Variants in AASS observed in about 807,000 individuals in gnomAD.
AASS encodes the protein alpha-aminoadipic semialdehyde synthase, mitochondrial.
Under a neutral mutation model 105.4 loss-of-function variants are expected in AASS, and 86 were observed. The observed-to-expected ratio is 0.82, with a 90% CI of 0.69 to 0.98. The LOEUF (loss-of-function observed/expected upper bound fraction) is 0.98. Ranked by LOEUF, AASS falls within the 50% of genes least tolerant of loss-of-function variation. AASS has a pLI of 0.00. For synonymous variants in AASS, 381 were observed against 394.8 expected (o/e 0.96, Z 0.41); for missense variants, 1,048 against 1,143.2 (o/e 0.92, Z 1.20).
In AASS at chr7:122,118,333, A is replaced by G; in HGVS notation, c.661T>C (p.Phe221Leu). 1 of 1,614,192 alleles carries G rather than the reference A, an allele frequency of 6.2e-7. No individual in the cohort carries two copies. The highest frequency in any genetic ancestry group is 8.5e-7 in the Non-Finnish European group (1 of 1,180,032). ...PKSIGPLTFV[F>L]TGTGNVSKGA... ...TTAGAAACATTACCAGTTCCTGTGA[A>G]CACAAATGTTAAGGGTCCTATTGAC... Residue 221 changes from phenylalanine (F) to leucine (L), a missense_variant, in exon 6 of 24, where the codon TTC (phenylalanine) becomes CTC (leucine). By Grantham distance (22) the Phe-to-Leu change is conservative (BLOSUM62 0). Coordinates refer to ENST00000417368, the MANE Select transcript of AASS (RefSeq NM_005763.4).
chr7:122,112,810 A>T (rs917481687), intron 11 of AASS, among the ~76,000 whole-genome samples: 9 of 152,216 alleles, frequency 5.9e-5, no homozygotes, highest in African/African-American at 2.2e-4. Flanking sequence ...GAACTGACAT[A>T]GATGGCAAAA....
At chr7:122,133,490 T>C (rs759510134) in intron 2 of AASS, 27 bp downstream of exon 2, 22 of 1,610,734 alleles carry the variant, frequency 1.4e-5, no homozygotes, top group Non-Finnish European at 1.8e-5. Context: ...CATTTTATTC[T>C]CACATAAAAA....
intron 1 of AASS, among the ~76,000 whole-genome samples, chr7:122,143,253 A>G (rs901623059): frequency 3.3e-5 from 5 of 152,100 alleles, no homozygotes; most frequent in African/African-American, 4.8e-5. Flanking sequence ...CCCACTGATA[A>G]CCCACAACAT....
chr7:122,131,013 C>G (rs746578881), intron 2 of AASS, among the ~76,000 whole-genome samples: 2 of 148,124 alleles, frequency 1.4e-5, no homozygotes, highest in African/African-American at 4.9e-5. Flanking sequence ...TGTAAATACA[C>G]ACACAGGTGT....
chr7:122,138,211 C>G (rs976780331), intron 1 of AASS, among the ~76,000 whole-genome samples: 1 of 152,166 alleles, frequency 6.6e-6, no homozygotes, highest in South Asian at 2.1e-4. Flanking sequence ...TGAAATGTCT[C>G]TAAAAGTCAT....
At chr7:122,079,740 C>T in intron 20 of AASS, 28 bp from the exon 21 acceptor site, 1 of 1,542,236 alleles carries the variant, frequency 6.5e-7, no homozygotes, top group Non-Finnish European at 9.0e-7. Flanking sequence ...TACAATATTT[C>T]TAAGTCCCTA....
chr7:122,105,861 A>C (rs555017542), intron 11 of AASS, among the ~76,000 whole-genome samples: 1 of 152,090 alleles, frequency 6.6e-6, no homozygotes, highest in Non-Finnish European at 1.5e-5. Flanking sequence ...TAGTAGACAC[A>C]AAGAAATAAT....
chr7:122,130,480 A>T (rs1484700219), intron 2 of AASS, among the ~76,000 whole-genome samples: 3 of 152,008 alleles, frequency 2.0e-5, no homozygotes, highest in African/African-American at 7.2e-5. Context: ...TACTTTGCTA[A>T]GCTCTTTGCA....
chr7:122,143,696 C>T (rs1796505217), intron 1 of AASS, among the ~76,000 whole-genome samples: 1 of 151,842 alleles, frequency 6.6e-6, no homozygotes, highest in African/African-American at 2.4e-5. Context: ...AAAGAACCAC[C>T]CCGAAATCTC....
Position 122,116,682 on chromosome 7 carries a change from G to T in AASS, c.845C>A (p.Ala282Glu). ...GCGCTCCGGATGTTTGTCATACTCT[G>T]CAGGATCATACACAGCATCTGTTTT... is the stretch of plus-strand genomic sequence containing the variant. ...VRKTDAVYDP[A>E]EYDKHPERYI... Residue 282 changes from alanine (A) to glutamate (E), a missense_variant, in exon 8 of 24, where the codon GCA becomes GAA. By Grantham distance (107) the Ala-to-Glu change is moderately radical. Coordinates refer to ENST00000417368, the MANE Select transcript of AASS (RefSeq NM_005763.4). The T allele has an allele frequency of 6.2e-7, 1 of 1,614,068 alleles. No homozygotes were observed. Among genetic ancestry groups the T allele is most frequent in the Non-Finnish European group, 8.5e-7 (1 of 1,179,978 alleles).
chr7:122,090,906 C>T (rs1298557519), intron 18 of AASS, among the ~76,000 whole-genome samples: 1 of 152,136 alleles, frequency 6.6e-6, no homozygotes, highest in Non-Finnish European at 1.5e-5. Flanking sequence ...AGCACATCCT[C>T]TTCTCCACTA....
chr7:122,107,372 C>G (rs1367046074), intron 11 of AASS, among the ~76,000 whole-genome samples: 1 of 152,096 alleles, frequency 6.6e-6, no homozygotes, highest in Non-Finnish European at 1.5e-5. Flanking sequence ...TTCAACCCAG[C>G]AATCCATTAC....
chr7:122,116,703 G>A lies in AASS; in HGVS notation c.824C>T (p.Thr275Ile), dbSNP rs756447554. ...LSRHHHLVRKTDAVYDPAEYD... is the reference protein window; with the variant it reads ...LSRHHHLVRKIDAVYDPAEYD... Reference sequence around the variant, plus strand: ...CTCTGCAGGATCATACACAGCATCTGTTTTCCTGACAAGATGATGATGACG... The same window carrying A: ...CTCTGCAGGATCATACACAGCATCTATTTTCCTGACAAGATGATGATGACG... Residue 275 changes from threonine to isoleucine, a missense_variant, in exon 8 of 24, where the codon ACA (threonine) becomes ATA (isoleucine). Thr to Ile is a moderately conservative substitution (Grantham distance 89). Coordinates refer to ENST00000417368, the MANE Select transcript of AASS (RefSeq NM_005763.4). The A allele has an allele frequency of 6.8e-6, 11 of 1,613,932 alleles. No individual in the cohort carries two copies. In the South Asian group the frequency reaches 1.1e-4, roughly 16 times the overall value.
chr7:122,131,474 A>G (rs749858349), intron 2 of AASS, among the ~76,000 whole-genome samples: 13 of 152,148 alleles, frequency 8.5e-5, no homozygotes, highest in South Asian at 4.1e-4. Context: ...TTAAAGAATT[A>G]AGATTTTTAC....
intron 2 of AASS, among the ~76,000 whole-genome samples, chr7:122,132,381 C>T (rs1388379281): frequency 6.6e-6 from 1 of 152,178 alleles, no homozygotes; most frequent in Non-Finnish European, 1.5e-5. Context: ...AGAAAAGCAT[C>T]ACTTCACAAG....
Position 122,093,066 on chromosome 7 carries a change from A to C in AASS, c.1748T>G (p.Leu583Arg). The C allele has an allele frequency of 6.2e-7, 1 of 1,613,936 alleles. No individual in the cohort carries two copies. The highest frequency in any genetic ancestry group is 8.5e-7 in the Non-Finnish European group (1 of 1,179,806). Reference sequence around the variant, plus strand: ...AACTTACCTCTTTTCCAATTCTTTTAGTGCTGGTGTGATGTAGCTTGCAGT... The same window carrying C: ...AACTTACCTCTTTTCCAATTCTTTTCGTGCTGGTGTGATGTAGCTTGCAGT... ...MVTASYITPA[L>R]KELEKSVEDA... Residue 583 changes from leucine to arginine, a missense_variant, in exon 16 of 24, where the codon CTA becomes CGA. Physicochemically the swap from Leu to Arg is moderately radical, Grantham distance 102. Transcript: ENST00000417368.
intron 15 of AASS, among the ~76,000 whole-genome samples, chr7:122,094,910 T>C (rs1794077538): frequency 6.6e-6 from 1 of 152,010 alleles, no homozygotes; most frequent in Admixed American, 6.6e-5. Flanking sequence ...ATTTGGAAGA[T>C]GTGAAGGTAA....
intron 11 of AASS, among the ~76,000 whole-genome samples, chr7:122,112,778 C>A (rs1039934186): frequency 6.6e-6 from 1 of 151,978 alleles, no homozygotes; most frequent in African/African-American, 2.4e-5. Flanking sequence ...GTTATTACGG[C>A]ACAATAAGAG....
intron 15 of AASS, among the ~76,000 whole-genome samples, chr7:122,095,058 C>T (rs1400941583): frequency 6.6e-6 from 1 of 152,064 alleles, no homozygotes; most frequent in Admixed American, 6.6e-5. Flanking sequence ...GCCAGATATC[C>T]TTCCTCTGCA....
Sources: gnomAD v4.1 joint callset for allele counts (sites outside exome capture counted in the v4.1 genomes callset) on GRCh38, gnomAD v4.1.1 for gene constraint, MANE v1.5 for transcripts, NCBI Gene and HGNC (gene_info 2026-07-23, HGNC 2026-07-21) for gene names.